WDR44: variants seen among roughly 807,000 people sequenced by gnomAD.
WDR44 encodes the protein WD repeat domain 44, also known as WD repeat-containing protein 44.
In WDR44, 9 loss-of-function variants were observed where a neutral mutation model predicts 65.7. That is an observed-to-expected ratio of 0.14 (90% confidence interval 0.08 to 0.24). WDR44 has a LOEUF of 0.24. WDR44 is among the 10% of genes least tolerant of loss of function. The pLI is 1.00. For synonymous variants in WDR44, 220 were observed against 235.2 expected (o/e 0.94, Z 0.59); for missense variants, 425 against 670.9 (o/e 0.63, Z 4.05).
At chrX:118,434,980 A>G (rs1243360387) in intron 13 of WDR44, among the ~76,000 whole-genome samples, 1 of 111,824 alleles carries the variant, frequency 8.9e-6, no homozygotes, top group Non-Finnish European at 1.9e-5. Flanking sequence ...TGACCTATCT[A>G]AAATCACAAA....
At chrX:118,407,243 G>A (rs1187570623) in intron 10 of WDR44, among the ~76,000 whole-genome samples, 1 of 112,121 alleles carries the variant, frequency 8.9e-6, no homozygotes, top group Non-Finnish European at 1.9e-5. Context: ...GCTCACGCCT[G>A]TAATCCCAGC....
At chrX:118,445,250 G>A (rs757313794) in intron 19 of WDR44, among the ~76,000 whole-genome samples, 34 of 111,722 alleles carry the variant, frequency 3.0e-4, no homozygotes, top group Non-Finnish European at 3.0e-4. Flanking sequence ...AGCTGAGATC[G>A]CGCCACTGCA....
chrX:118,387,224 C>T (rs2056778852), intron 2 of WDR44, 116 bp from the exon 3 acceptor site: 1 of 372,517 alleles, frequency 2.7e-6, no homozygotes, highest in Non-Finnish European at 4.5e-6. Flanking sequence ...AAATCAAAGC[C>T]CTTTAAGGGC....
intron 12 of WDR44, among the ~76,000 whole-genome samples, chrX:118,427,836 G>A (rs1394828340): frequency 1.9e-5 from 2 of 106,503 alleles, no homozygotes; most frequent in Non-Finnish European, 3.9e-5. Flanking sequence ...CACCAAGCCT[G>A]GCTAATTTTT....
chrX:118,356,377 T>C (rs1033731794), intron 1 of WDR44, among the ~76,000 whole-genome samples: 3 of 97,782 alleles, frequency 3.1e-5, no homozygotes, highest in Non-Finnish European at 2.0e-5. Context: ...CAAAAAGTCT[T>C]AATCCCAGAT....
At chrX:118,363,483 A>G (rs1304872070) in intron 1 of WDR44, among the ~76,000 whole-genome samples, 4 of 110,539 alleles carry the variant, frequency 3.6e-5, no homozygotes, top group Non-Finnish European at 7.6e-5. Flanking sequence ...TGCACGTATG[A>G]TGAACTGTTT....
At chrX:118,382,415 C>T (rs1419757012) in intron 2 of WDR44, among the ~76,000 whole-genome samples, 3 of 111,478 alleles carry the variant, frequency 2.7e-5, no homozygotes, top group African/African-American at 6.5e-5. Context: ...GATATGACAG[C>T]GATTTAAGAG....
chrX:118,409,279 G>A (rs1026488966), intron 10 of WDR44, among the ~76,000 whole-genome samples: 2 of 110,478 alleles, frequency 1.8e-5, no homozygotes, highest in Non-Finnish European at 3.8e-5. Flanking sequence ...ACAGGCGCCC[G>A]CCACCATGCC....
chrX:118,394,639 C>G (rs890770128), intron 5 of WDR44, among the ~76,000 whole-genome samples: 23 of 109,583 alleles, frequency 2.1e-4, no homozygotes, highest in African/African-American at 7.7e-4. Context: ...ACACAAAAGA[C>G]TTGATAACAC....
intron 8 of WDR44, among the ~76,000 whole-genome samples, chrX:118,400,117 A>G (rs59901212): frequency 0.072 from 7,956 of 109,825 alleles, 709 homozygotes; most frequent in African/African-American, 0.25. Context: ...AAAAAAACTC[A>G]TAGCACAATC....
At chrX:118,446,195 A>T (rs771689625) in intron 19 of WDR44, among the ~76,000 whole-genome samples, 29 of 110,715 alleles carry the variant, frequency 2.6e-4, no homozygotes, top group Non-Finnish European at 5.3e-4. Flanking sequence ...GAGGCAGGAG[A>T]AGTGCTTGAA....
In WDR44 at chrX:118,442,703, C is replaced by G. The variant is rs1444891930; in HGVS notation, c.2384+23C>G. ...CAGGTAAATTGGCAATGAGATGTTCCCAAAAGAGATCAGGACATTTCTCCC... is the reference window on the plus strand; with the variant it reads ...CAGGTAAATTGGCAATGAGATGTTCGCAAAAGAGATCAGGACATTTCTCCC... On this transcript the variant is annotated intron_variant, in intron 17 of 19. Coordinates refer to ENST00000254029, the MANE Select transcript of WDR44 (RefSeq NM_019045.5). The G allele has an allele frequency of 2.7e-6, 3 of 1,124,681 alleles. No homozygotes were observed. In the Admixed American group the frequency reaches 6.6e-5, roughly 25 times the overall value. 92.7% of individuals were successfully genotyped at this position (1,124,681 alleles called of 1,213,427 possible).
chrX:118,365,878 A>T (rs1462602425), intron 1 of WDR44, among the ~76,000 whole-genome samples: 2 of 112,115 alleles, frequency 1.8e-5, no homozygotes, highest in African/African-American at 6.5e-5. Context: ...CATCAAATCA[A>T]TCTGTCTGTA....
rs1379440426 is a variant in WDR44, at chrX:118,449,776, GT to G, written c.*794del. 1 of 111,530 alleles carries G rather than the reference GT, an allele frequency of 9.0e-6. No homozygotes were observed. The highest frequency in any genetic ancestry group is 3.3e-5 in the African/African-American group (1 of 30,680). The allele number at this position is 111,530 out of a possible 1,213,427, so 9.2% of individuals were successfully genotyped here. A position where few individuals can be genotyped will look rare whatever the true frequency, so the allele number is the denominator to read the frequency against. Reference sequence around the variant, plus strand: ...GTTTACATTTTTTTAAAGCATTGTAGTTTTTAAAAATTAAGCTGTTTTGTTT... The same window carrying G: ...GTTTACATTTTTTTAAAGCATTGTAGTTTTAAAAATTAAGCTGTTTTGTTT... On this transcript the variant is annotated 3_prime_UTR_variant, in exon 20 of 20. Transcript: ENST00000254029.
At chrX:118,349,013 T>G (rs1397504579) in intron 1 of WDR44, among the ~76,000 whole-genome samples, 1 of 111,772 alleles carries the variant, frequency 8.9e-6, no homozygotes, top group African/African-American at 3.3e-5. Flanking sequence ...TAAAATTAAT[T>G]TATTTCTTGC....
At chrX:118,445,669 T>C (rs1166709268) in intron 19 of WDR44, among the ~76,000 whole-genome samples, 1 of 112,470 alleles carries the variant, frequency 8.9e-6, no homozygotes, top group African/African-American at 3.2e-5. Context: ...ATTCCAGTTA[T>C]ATACAATGCT....
intron 12 of WDR44, among the ~76,000 whole-genome samples, chrX:118,414,030 C>G (rs1289372262): frequency 9.0e-6 from 1 of 110,840 alleles, no homozygotes; most frequent in Admixed American, 9.7e-5. Flanking sequence ...CTATTGTTTT[C>G]CATTGGTCTG....
intron 1 of WDR44, among the ~76,000 whole-genome samples, chrX:118,373,547 G>C (rs1291058256): frequency 8.9e-6 from 1 of 112,166 alleles, no homozygotes; most frequent in Non-Finnish European, 1.9e-5. Context: ...TCAGGATTCA[G>C]AGCCTTTGAC....
intron 12 of WDR44, among the ~76,000 whole-genome samples, chrX:118,424,753 G>A (rs867768787): frequency 1.4e-4 from 16 of 110,721 alleles, no homozygotes; most frequent in African/African-American, 4.6e-4. Context: ...CTTTTGGTGT[G>A]GTGTCATATC....
Sources: allele counts gnomAD v4.1 joint callset (sites outside exome capture counted in the v4.1 genomes callset), GRCh38; gene constraint gnomAD v4.1.1; transcripts MANE v1.5; gene names NCBI Gene and HGNC (gene_info 2026-07-23, HGNC 2026-07-21).